CACNA2D1: variants seen among roughly 807,000 people sequenced by gnomAD.
CACNA2D1 encodes calcium voltage-gated channel auxiliary subunit alpha2delta 1, also known as voltage-dependent calcium channel subunit alpha-2/delta-1.
A neutral mutation model predicts 171.5 loss-of-function variants in CACNA2D1; 53 were observed. The ratio of observed to expected loss-of-function variants is 0.31; its 90% confidence interval spans 0.25 to 0.39. The LOEUF (loss-of-function observed/expected upper bound fraction) is 0.39, where lower values mean the gene tolerates loss of function less well. CACNA2D1 is among the 10% of genes least tolerant of loss of function. The pLI, the probability that CACNA2D1 is intolerant of heterozygous loss-of-function variation, is 1.00. For synonymous variants in CACNA2D1, 442 were observed against 443.1 expected, an observed-to-expected ratio of 1.00 and a Z score of 0.03; for missense variants, 903 against 1,299.8, an observed-to-expected ratio of 0.69 and a Z score of 4.69.
chr7:82,208,016 C>T (rs930482846), intron 3 of CACNA2D1, among the ~76,000 whole-genome samples: 4 of 152,126 alleles, frequency 2.6e-5, no homozygotes, highest in African/African-American at 9.7e-5. Context: ...AGCAACATAT[C>T]ACATTCTGAC....
At chr7:82,029,499 T>C (rs1802381474) in intron 12 of CACNA2D1, 1 of 151,796 alleles carries the variant, frequency 6.6e-6, no homozygotes, top group African/African-American at 2.4e-5. Context: ...GTTAACTGTC[T>C]TATTCTTCTC....
chr7:81,975,081 T>C (rs555996447), intron 24 of CACNA2D1, among the ~76,000 whole-genome samples: 75 of 152,010 alleles, frequency 4.9e-4, no homozygotes, highest in African/African-American at 1.7e-3. Context: ...TGAGTGGACA[T>C]AAAGCTAGTG....
chr7:82,206,501 C>T (rs562461458), intron 3 of CACNA2D1, among the ~76,000 whole-genome samples: 43 of 152,056 alleles, frequency 2.8e-4, no homozygotes, highest in Admixed American at 4.6e-4. Flanking sequence ...TTCAGTAAAC[C>T]AAATTAGATA....
At chr7:82,183,043 A>G (rs1037324505) in intron 3 of CACNA2D1, among the ~76,000 whole-genome samples, 37 of 152,164 alleles carry the variant, frequency 2.4e-4, no homozygotes, top group Non-Finnish European at 2.9e-4. Context: ...TCTTAAAAAA[A>G]AAAAAAAAAA....
At chr7:82,267,202 C>G (rs1481849038) in intron 3 of CACNA2D1, among the ~76,000 whole-genome samples, 1 of 152,060 alleles carries the variant, frequency 6.6e-6, no homozygotes, top group Non-Finnish European at 1.5e-5. Flanking sequence ...GTGAAAAATA[C>G]ATTTGTGAAA....
At chr7:82,260,428 C>T (rs17261782) in intron 3 of CACNA2D1, among the ~76,000 whole-genome samples, 7,306 of 152,174 alleles carry the variant, frequency 0.048, 229 homozygotes, top group Non-Finnish European at 0.068. Flanking sequence ...CTATAGGGAA[C>T]TAAAGATTTC....
At chr7:82,181,282 T>A (rs1018827931) in intron 3 of CACNA2D1, among the ~76,000 whole-genome samples, 1 of 152,126 alleles carries the variant, frequency 6.6e-6, no homozygotes, top group Admixed American at 6.5e-5. Flanking sequence ...AAGTGTTCAC[T>A]GATCCATCTC....
At chr7:82,126,073 T>A (rs900586428) in intron 5 of CACNA2D1, among the ~76,000 whole-genome samples, 7 of 152,230 alleles carry the variant, frequency 4.6e-5, no homozygotes, top group African/African-American at 1.7e-4. Flanking sequence ...GTTTTATATG[T>A]GTTAATCTAA....
At chr7:82,005,141 C>A (rs970014100) in intron 18 of CACNA2D1, among the ~76,000 whole-genome samples, 1 of 152,074 alleles carries the variant, frequency 6.6e-6, no homozygotes. Flanking sequence ...GCCTTAAAAT[C>A]AAAGTCAGAA....
intron 3 of CACNA2D1, among the ~76,000 whole-genome samples, chr7:82,322,802 T>C (rs551672435): frequency 5.3e-5 from 8 of 152,222 alleles, no homozygotes; most frequent in African/African-American, 1.9e-4. Context: ...GAAGAACAGA[T>C]GCAAAGAACA....
chr7:82,394,688 C>T (rs1256360853), intron 1 of CACNA2D1, among the ~76,000 whole-genome samples: 1 of 152,056 alleles, frequency 6.6e-6, no homozygotes, highest in Non-Finnish European at 1.5e-5. Context: ...AATCTTGTTT[C>T]ATAAAGATTT....
chr7:82,241,121 G>A (rs1381237612), intron 3 of CACNA2D1, among the ~76,000 whole-genome samples: 1 of 152,170 alleles, frequency 6.6e-6, no homozygotes, highest in Non-Finnish European at 1.5e-5. Context: ...AATTCTCAGT[G>A]TTAAAATTCT....
At chr7:82,255,405 A>G (rs1806177905) in intron 3 of CACNA2D1, among the ~76,000 whole-genome samples, 1 of 152,206 alleles carries the variant, frequency 6.6e-6, no homozygotes, top group Non-Finnish European at 1.5e-5. Context: ...AGTACATAAT[A>G]AAGCTAGCTC....
intron 3 of CACNA2D1, among the ~76,000 whole-genome samples, chr7:82,181,938 A>C (rs1797179739): frequency 6.6e-6 from 1 of 152,214 alleles, no homozygotes; most frequent in Non-Finnish European, 1.5e-5. Flanking sequence ...TGTATATTGG[A>C]AATGTTATTA....
chr7:81,987,798 G>A (rs879898383), intron 21 of CACNA2D1, among the ~76,000 whole-genome samples: 19 of 152,102 alleles, frequency 1.2e-4, no homozygotes, highest in Non-Finnish European at 1.5e-4. Flanking sequence ...CCTTGTCAGA[G>A]AACAGTGATA....
At chr7:82,402,705 CAAAAAAAAAAA>C (rs59290672) in intron 1 of CACNA2D1, among the ~76,000 whole-genome samples, 12 of 64,824 alleles carry the variant, frequency 1.9e-4, no homozygotes, top group South Asian at 7.2e-4. Flanking sequence ...GACTCTGTCT[CAAAAAAAAAAA>C]AAAAAAAAAA....
chr7:82,020,629 C>A (rs1386536071), intron 12 of CACNA2D1, among the ~76,000 whole-genome samples: 1 of 151,932 alleles, frequency 6.6e-6, no homozygotes, highest in Non-Finnish European at 1.5e-5. Flanking sequence ...GGTCTTTAGC[C>A]TTTTATGCCT....
intron 3 of CACNA2D1, among the ~76,000 whole-genome samples, chr7:82,304,350 C>CA (rs57228879): frequency 0.057 from 6,983 of 122,352 alleles, 241 homozygotes; most frequent in East Asian, 0.16. Context: ...GATATTAATC[C>CA]AAAAAAAAAA....
chr7:82,111,647 C>A (rs1011307849), intron 6 of CACNA2D1, among the ~76,000 whole-genome samples: 1 of 151,404 alleles, frequency 6.6e-6, no homozygotes, highest in South Asian at 2.1e-4. Flanking sequence ...CAGAGTTTCA[C>A]TATGTTGCCC....
Sources: allele counts gnomAD v4.1 joint callset (sites outside exome capture counted in the v4.1 genomes callset), GRCh38; gene constraint gnomAD v4.1.1; transcripts MANE v1.5; gene names NCBI Gene and HGNC (gene_info 2026-07-23, HGNC 2026-07-21).